Variants in SKAP2 observed in about 807,000 individuals in gnomAD.
SKAP2 encodes src kinase associated phosphoprotein 2.
In SKAP2, 28 loss-of-function variants were observed where a neutral mutation model predicts 54.9. That is an observed-to-expected ratio of 0.51 (90% CI 0.38 to 0.70). SKAP2 has a LOEUF of 0.70. Among genes scored for constraint, SKAP2 ranks in the 30% least tolerant of loss-of-function variants. The probability of loss-of-function intolerance (pLI) is 0.00; values close to 1 mark genes in which losing one functional copy is unlikely to be tolerated. For synonymous variants in SKAP2, 137 were observed against 134.3 expected, an observed-to-expected ratio of 1.02 and a Z score of -0.14; for missense variants, 356 against 424.1, an observed-to-expected ratio of 0.84 and a Z score of 1.41.
At chr7:26,736,350 T>C (rs1787940895) in intron 6 of SKAP2, among the ~76,000 whole-genome samples, 1 of 152,192 alleles carries the variant, frequency 6.6e-6, no homozygotes, top group Non-Finnish European at 1.5e-5. Context: ...TATAACGCAT[T>C]AGCATGCTAA....
intron 4 of SKAP2, among the ~76,000 whole-genome samples, chr7:26,836,059 C>T (rs1784702983): frequency 6.6e-6 from 1 of 152,190 alleles, no homozygotes. Flanking sequence ...ACCATCTGAT[C>T]TTTGACAAAC....
intron 1 of SKAP2, chr7:26,857,583 C>G (rs1698493121): frequency 2.0e-6 from 2 of 985,278 alleles, no homozygotes; most frequent in South Asian, 9.4e-5. Context: ...GACCAAGCGC[C>G]GCAAAGAAGT....
chr7:26,726,210 G>A (rs1787704788), intron 7 of SKAP2, among the ~76,000 whole-genome samples: 2 of 152,034 alleles, frequency 1.3e-5, no homozygotes, highest in African/African-American at 4.8e-5. Flanking sequence ...CAGCTGTGCA[G>A]GAAAAAAAGC....
intron 4 of SKAP2, among the ~76,000 whole-genome samples, chr7:26,798,835 G>A (rs1289877198): frequency 6.6e-6 from 1 of 152,090 alleles, no homozygotes; most frequent in Non-Finnish European, 1.5e-5. Context: ...AAATAGTGTT[G>A]TTTTTATTAG....
intron 4 of SKAP2, among the ~76,000 whole-genome samples, chr7:26,799,528 T>G (rs1783864274): frequency 6.6e-6 from 1 of 152,146 alleles, no homozygotes; most frequent in South Asian, 2.1e-4. Context: ...TAAATATATA[T>G]GCACCCAACA....
At chr7:26,811,243 C>A (rs1784138514) in intron 4 of SKAP2, among the ~76,000 whole-genome samples, 2 of 152,120 alleles carry the variant, frequency 1.3e-5, no homozygotes, top group Non-Finnish European at 1.5e-5. Context: ...TAGCTTTGGG[C>A]AAATCACCTA....
At position 26,764,503 on chromosome 7, in the gene SKAP2, T is replaced by C. The variant is rs1483866282; in HGVS notation, c.308-24539A>G. On this transcript the variant is annotated intron_variant, in intron 4 of 12. Coordinates refer to ENST00000345317, the MANE Select transcript of SKAP2 (RefSeq NM_003930.5). The stretch of plus-strand genomic sequence containing the variant: ...TTATTCATTTTAATAATTTTTAAAA[T>C]ATATTGATTTATACACAGATGTTTT... Among the ~76,000 whole-genome samples, 5 of 152,232 alleles carry C rather than the reference T, an allele frequency of 3.3e-5. No individual in the cohort carries two copies. In the East Asian group the frequency reaches 9.6e-4, roughly 29 times the overall value.
intron 1 of SKAP2, among the ~76,000 whole-genome samples, chr7:26,861,258 A>T (rs1263522525): frequency 6.6e-6 from 1 of 152,060 alleles, no homozygotes; most frequent in Non-Finnish European, 1.5e-5. Context: ...ATAAATCAAG[A>T]TTATTCTTGC....
At chr7:26,675,447 C>T (rs553464539) in intron 11 of SKAP2, among the ~76,000 whole-genome samples, 1 of 152,274 alleles carries the variant, frequency 6.6e-6, no homozygotes, top group East Asian at 1.9e-4. Context: ...AGCATTTATT[C>T]CTCAGTAGAT....
At chr7:26,727,815 C>G (rs1369452173) in intron 6 of SKAP2, among the ~76,000 whole-genome samples, 1 of 152,130 alleles carries the variant, frequency 6.6e-6, no homozygotes, top group African/African-American at 2.4e-5. Flanking sequence ...TCCTACTTCA[C>G]CCAGTTACAC....
At chr7:26,829,325 G>A (rs1043839464) in intron 4 of SKAP2, among the ~76,000 whole-genome samples, 15 of 152,058 alleles carry the variant, frequency 9.9e-5, no homozygotes, top group African/African-American at 3.6e-4. Flanking sequence ...TTGAGCCCAG[G>A]AGTTCAAGAC....
the SKAP2 span, among the ~76,000 whole-genome samples, chr7:26,658,392 T>A: frequency 5.3e-5 from 8 of 152,358 alleles, no homozygotes; most frequent in East Asian, 1.5e-3. Context: ...TGCTAAAATC[T>A]TTCATTCCTT....
intron 6 of SKAP2, among the ~76,000 whole-genome samples, chr7:26,734,697 C>T (rs2127959372): frequency 6.6e-6 from 1 of 152,214 alleles, no homozygotes. Flanking sequence ...GTTGCTGCAT[C>T]CCCCAGAAGA....
chr7:26,862,598 T>C lies in SKAP2; in HGVS notation c.67+1765A>G, dbSNP rs140764831. Among the ~76,000 whole-genome samples the C allele has an allele frequency of 2.4e-3, 364 of 152,232 alleles. 2 individuals carry two copies. Among genetic ancestry groups the C allele is most frequent in the African/African-American group, 7.9e-3 (330 of 41,572 alleles). ...TGACTAAAGAGAGAAGGCAGAAATATATTGGAAGTTAGCATTGGCAGATAA... is the reference window on the plus strand; with the variant it reads ...TGACTAAAGAGAGAAGGCAGAAATACATTGGAAGTTAGCATTGGCAGATAA... On this transcript the variant is annotated intron_variant, in intron 1 of 12. Coordinates refer to ENST00000345317, the MANE Select transcript of SKAP2 (RefSeq NM_003930.5).
chr7:26,784,575 C>T (rs2127979357), intron 4 of SKAP2, among the ~76,000 whole-genome samples: 1 of 152,280 alleles, frequency 6.6e-6, no homozygotes, highest in South Asian at 2.1e-4. Flanking sequence ...ATATTTATCT[C>T]TGTATTCTCA....
chr7:26,738,084 A>C (rs1787980230), intron 6 of SKAP2, among the ~76,000 whole-genome samples: 1 of 152,152 alleles, frequency 6.6e-6, no homozygotes, highest in South Asian at 2.1e-4. Context: ...GAACAGTCAC[A>C]GCTCTCCAGC....
At chr7:26,858,730 T>C (rs1785223949) in intron 1 of SKAP2, among the ~76,000 whole-genome samples, 1 of 152,146 alleles carries the variant, frequency 6.6e-6, no homozygotes, top group Non-Finnish European at 1.5e-5. Context: ...TCTACACAGA[T>C]CACATAGTGA....
chr7:26,826,040 G>T lies in SKAP2; in HGVS notation c.307+17990C>A, dbSNP rs964728475. 5.9e-5 allele frequency among the ~76,000 whole-genome samples: 9 copies of T among 152,068 alleles called. No homozygotes were observed. The East Asian group carries it at 9.7e-4, about 16-fold the overall frequency. On this transcript the variant is annotated intron_variant, in intron 4 of 12. Transcript: ENST00000345317. The stretch of plus-strand genomic sequence containing the variant: ...TGGTACCTCCCCAAATCTCCATGGG[G>T]ATCAGGTGAAGCTGGCCTTACCCCT...
At chr7:26,708,563 T>C (rs1430866119) in intron 9 of SKAP2, among the ~76,000 whole-genome samples, 3 of 152,206 alleles carry the variant, frequency 2.0e-5, no homozygotes, top group African/African-American at 7.2e-5. Flanking sequence ...AGGATCTCCA[T>C]TTAGTAAACT....
Sources: allele counts gnomAD v4.1 joint callset (sites outside exome capture counted in the v4.1 genomes callset), GRCh38; gene constraint gnomAD v4.1.1; transcripts MANE v1.5; gene names NCBI Gene and HGNC (gene_info 2026-07-23, HGNC 2026-07-21).